PRPF38B: variants seen among roughly 807,000 people sequenced by gnomAD.
PRPF38B encodes the protein pre-mRNA processing factor 38B, also known as pre-mRNA-splicing factor 38B.
Under a neutral mutation model 67.2 loss-of-function variants are expected in PRPF38B, and 18 were observed. That is an observed-to-expected ratio of 0.27 (90% CI 0.19 to 0.40). PRPF38B has a LOEUF of 0.40. Ranked by LOEUF, PRPF38B falls within the 10% of genes least tolerant of loss-of-function variation. The pLI is 1.00. For missense variants in PRPF38B, 544 were observed against 684.9 expected (o/e 0.79, Z 2.30); for synonymous variants, 246 against 234.2 (o/e 1.05, Z -0.46).
At position 108,699,709 on chromosome 1, in the gene PRPF38B, GCAGGGAAACGAAGTAGAAGTAGAAGCAA is replaced by G; in HGVS notation, c.1331_1358del (p.Ala444GlufsTer78). The stretch of plus-strand genomic sequence containing the variant: ...CAGAAGTAGGAGTCGAAGTAGAAAT[GCAGGGAAACGAAGTAGAAGTAGAAGCAA>G]AGAGAAATCAAGTAAACATAAAAAT... On this transcript the variant is annotated frameshift_variant, in exon 6 of 6. Coordinates refer to ENST00000370025, the MANE Select transcript of PRPF38B (RefSeq NM_018061.4). LOFTEE classifies it high-confidence loss of function. 2 of 1,611,332 alleles carry G rather than the reference GCAGGGAAACGAAGTAGAAGTAGAAGCAA, an allele frequency of 1.2e-6. No individual in the cohort carries two copies. Among genetic ancestry groups the G allele is most frequent in the Non-Finnish European group, 1.7e-6 (2 of 1,178,488 alleles).
rs969286543 is a variant in PRPF38B at position 108,702,098 on chromosome 1, C to T, written c.*2078C>T. Among the ~76,000 whole-genome samples the T allele has an allele frequency of 2.6e-5, 4 of 152,132 alleles. No homozygotes were observed. Among genetic ancestry groups the T allele is most frequent in the Admixed American group, 6.5e-5 (1 of 15,270 alleles). On this transcript the variant is annotated 3_prime_UTR_variant, in exon 6 of 6. Coordinates refer to ENST00000370025, the MANE Select transcript of PRPF38B (RefSeq NM_018061.4). Reference sequence around the variant, plus strand: ...TCACCTCGATTGACAGTTCGATGATCGTCACTACATTTGATTTCTTGTGGG... The same window carrying T: ...TCACCTCGATTGACAGTTCGATGATTGTCACTACATTTGATTTCTTGTGGG...
chr1:108,692,852 C>G lies in PRPF38B; in HGVS notation c.261C>G (p.Asp87Glu). The G allele has an allele frequency of 6.2e-7, 1 of 1,614,008 alleles. No homozygotes were observed. The highest frequency in any genetic ancestry group is 8.5e-7 in the Non-Finnish European group (1 of 1,179,932). The change falls in exon 1 of 6, where the codon GAC becomes GAG. Residue 87 changes from aspartate (D) to glutamate (E), a missense_variant. This residue lies in a region of PRPF38B where 26 missense variants were observed against 67.7 expected (regional missense o/e 0.38). Coordinates refer to ENST00000370025, the MANE Select transcript of PRPF38B (RefSeq NM_018061.4). ...TCAAGACCTACCACGAGGTGGTGGA[C>G]GAGATCTACTTTAAGGTACGAAGTG... ...YELKTYHEVV[D>E]EIYFKVTHVE...
chr1:108,694,647 C>T (rs1659678737), intron 1 of PRPF38B, among the ~76,000 whole-genome samples: 1 of 152,114 alleles, frequency 6.6e-6, no homozygotes, highest in Non-Finnish European at 1.5e-5. Context: ...AGTGCTTAAA[C>T]TTACATGCAC....
Position 108,700,340 on chromosome 1 carries a change from A to G in PRPF38B, c.*320A>G. ...TGGTTGCCATGTTGGTTAAATTTGT[A>G]TAAGGCAATAAACTGCCACTAATCT... On this transcript the variant is annotated 3_prime_UTR_variant, in exon 6 of 6. Transcript: ENST00000370025. 4.5e-6 allele frequency: 1 copy of G among 220,430 alleles called. No individual in the cohort carries two copies. Among genetic ancestry groups the G allele is most frequent in the East Asian group, 1.0e-4 (1 of 9,706 alleles). 13.7% of individuals were successfully genotyped at this position (220,430 alleles called of 1,614,324 possible). A position where few individuals can be genotyped will look rare whatever the true frequency, so the allele number is the denominator to read the frequency against.
In PRPF38B at chr1:108,699,950, G is replaced by C; in HGVS notation, c.1571G>C (p.Arg524Pro). Residue 524 changes from arginine (R) to proline (P), a missense_variant, in exon 6 of 6, where the codon CGT becomes CCT. Coordinates refer to ENST00000370025, the MANE Select transcript of PRPF38B (RefSeq NM_018061.4). ...AAGGACCAGTCAGACAAACATGATCGTCGAAGGAGCCAAAGTATAGAACAA... is the reference window on the plus strand; with the variant it reads ...AAGGACCAGTCAGACAAACATGATCCTCGAAGGAGCCAAAGTATAGAACAA... The part of the protein sequence containing the change: ...DSKDQSDKHD[R>P]RRSQSIEQES... The C allele has an allele frequency of 6.2e-7, 1 of 1,613,326 alleles. No homozygotes were observed.
At position 108,692,876 on chromosome 1, in the gene PRPF38B, T is replaced by G. The variant is rs758942219; in HGVS notation, c.276+9T>G. 1 of 1,607,532 alleles carries G rather than the reference T, an allele frequency of 6.2e-7. No individual in the cohort carries two copies. Among genetic ancestry groups the G allele is most frequent in the Non-Finnish European group, 8.5e-7 (1 of 1,175,626 alleles). ...ACGAGATCTACTTTAAGGTACGAAG[T>G]GTGTAGGCCTTGGCTTTGGGGGTAA... On this transcript the variant is annotated intron_variant, in intron 1 of 5. Coordinates refer to ENST00000370025, the MANE Select transcript of PRPF38B (RefSeq NM_018061.4).
At position 108,692,860 on chromosome 1, in the gene PRPF38B, A is replaced by G. The variant is rs753942221; in HGVS notation, c.269A>G (p.Tyr90Cys). Residue 90 changes from tyrosine to cysteine, a missense_variant, in exon 1 of 6, where the codon TAC (tyrosine) becomes TGC (cysteine). This residue lies in a region of PRPF38B where 26 missense variants were observed against 67.7 expected (regional missense o/e 0.38). Coordinates refer to ENST00000370025, the MANE Select transcript of PRPF38B (RefSeq NM_018061.4). The part of the protein sequence containing the change: ...KTYHEVVDEI[Y>C]FKVTHVEPWE... Reference sequence around the variant, plus strand: ...TACCACGAGGTGGTGGACGAGATCTACTTTAAGGTACGAAGTGTGTAGGCC... The same window carrying G: ...TACCACGAGGTGGTGGACGAGATCTGCTTTAAGGTACGAAGTGTGTAGGCC... 6.2e-7 allele frequency: 1 copy of G among 1,613,960 alleles called. No individual in the cohort carries two copies. Among genetic ancestry groups the G allele is most frequent in the South Asian group, 1.1e-5 (1 of 91,076 alleles).
At chr1:108,696,520 T>C (rs1399377658) in intron 4 of PRPF38B, 183 bp downstream of exon 4, 5 of 621,334 alleles carry the variant, frequency 8.0e-6, no homozygotes, top group Middle Eastern at 4.3e-4. Flanking sequence ...TTAGGGTAAA[T>C]TTCTGAAGTT....
chr1:108,692,341 A>G lies in PRPF38B; in HGVS notation c.-251A>G, dbSNP rs1659368799. 1.8e-6 allele frequency: 1 copy of G among 547,066 alleles called. No homozygotes were observed. Among genetic ancestry groups the G allele is most frequent in the African/African-American group, 1.9e-5 (1 of 51,956 alleles). 33.9% of individuals were successfully genotyped at this position (547,066 alleles called of 1,614,324 possible). The stretch of plus-strand genomic sequence containing the variant: ...TTCCCAGGGGCAGTTGGCGGAAGAG[A>G]TCGAGCTCCCTGGCTGCCGGCTCGC... On this transcript the variant is annotated 5_prime_UTR_variant, in exon 1 of 6. Transcript: ENST00000370025.
chr1:108,697,836 TACTGTATATCTGAAC>T (rs1392669933), intron 4 of PRPF38B: 3 of 152,232 alleles, frequency 2.0e-5, no homozygotes, highest in Non-Finnish European at 4.4e-5. Flanking sequence ...TATTTGGAAA[TACTGTATATCTGAAC>T]ACTTAAATGT....
At chr1:108,699,021 TA>T (rs1660162878) in intron 5 of PRPF38B, 140 bp from the exon 6 acceptor site, 1 of 1,467,322 alleles carries the variant, frequency 6.8e-7, no homozygotes, top group Non-Finnish European at 9.1e-7. Flanking sequence ...ATGAGAACAA[TA>T]AAATTTTTTG....
chr1:108,693,754 TTAGG>T, intron 1 of PRPF38B: 1 of 467,648 alleles, frequency 2.1e-6, no homozygotes, highest in Non-Finnish European at 2.8e-6. Flanking sequence ...CCTTCACCAA[TTAGG>T]TAGGCTTTTT....
At position 108,696,203 on chromosome 1, in the gene PRPF38B, A is replaced by G. The variant is rs61150899; in HGVS notation, c.497+9A>G. The G allele has an allele frequency of 9.8e-3, 15,769 of 1,611,830 alleles. 1,336 individuals carry two copies. The African/African-American group carries it at 0.18, about 19-fold the overall frequency. The stretch of plus-strand genomic sequence containing the variant: ...GGATTTATGTATATAAGGTGAGCGT[A>G]CATTTATGTACATTTCCAGTAAATA... On this transcript the variant is annotated intron_variant, in intron 3 of 5. Coordinates refer to ENST00000370025, the MANE Select transcript of PRPF38B (RefSeq NM_018061.4).
Position 108,699,531 on chromosome 1 carries a change from A to G in PRPF38B, c.1152A>G (p.Arg384=). ...ATGAACGAGAAAAAGAGAGAGAGCG[A>G]TCAAGAGAAAGGTCCAAGGAACAGA... ...RGNEREKERE[R]SRERSKEQRS... is the part of the protein sequence containing the mutation. The change falls in exon 6 of 6, where the codon CGA becomes CGG. Residue 384 remains arginine, a synonymous_variant. Coordinates refer to ENST00000370025, the MANE Select transcript of PRPF38B (RefSeq NM_018061.4). 6.4e-7 allele frequency: 1 copy of G among 1,558,148 alleles called. No homozygotes were observed. Among genetic ancestry groups the G allele is most frequent in the Middle Eastern group, 1.7e-4 (1 of 5,998 alleles).
At chr1:108,695,819 A>T (rs775814607) in intron 2 of PRPF38B, 49 bp downstream of exon 2, 8 of 1,582,828 alleles carry the variant, frequency 5.1e-6, no homozygotes, top group Non-Finnish European at 6.9e-6. Context: ...CTAATAACTA[A>T]GTTTATATTT....
At position 108,702,638 on chromosome 1, in the gene PRPF38B, G is replaced by T. The variant is rs138297416; in HGVS notation, c.*2618G>T. Among the ~76,000 whole-genome samples, 195 of 152,170 alleles carry T rather than the reference G, an allele frequency of 1.3e-3. No homozygotes were observed. The highest frequency in any genetic ancestry group is 4.4e-3 in the African/African-American group (181 of 41,500). On this transcript the variant is annotated 3_prime_UTR_variant, in exon 6 of 6. Coordinates refer to ENST00000370025, the MANE Select transcript of PRPF38B (RefSeq NM_018061.4). Reference sequence around the variant, plus strand: ...AACATCACACGCCGGGGCCTGTTGTGGGGTGGGGGACTAGGGGAGGGATAA... The same window carrying T: ...AACATCACACGCCGGGGCCTGTTGTTGGGTGGGGGACTAGGGGAGGGATAA...
rs1570695126 is a variant in PRPF38B at position 108,699,221 on chromosome 1, A to G, written c.842A>G (p.His281Arg). 2 of 1,614,164 alleles carry G rather than the reference A, an allele frequency of 1.2e-6. No homozygotes were observed. The highest frequency in any genetic ancestry group is 2.2e-5 in the East Asian group (1 of 44,888). Reference protein sequence around the residue: ...RSPRRSRSRSHHREGHGSSSF... With the variant: ...RSPRRSRSRSRHREGHGSSSF... ...CCAAGAAGGTCAAGAAGTAGAAGTC[A>G]TCATCGGGAGGGCCATGGGTCTTCT... Residue 281 changes from histidine to arginine, a missense_variant, in exon 6 of 6, where the codon CAT becomes CGT. His to Arg is a conservative substitution (Grantham distance 29, BLOSUM62 0). Transcript: ENST00000370025.
chr1:108,695,949 A>G (rs1570681707), intron 2 of PRPF38B, 94 bp from the exon 3 acceptor site: 3 of 1,416,890 alleles, frequency 2.1e-6, no homozygotes, highest in Non-Finnish European at 2.9e-6. Flanking sequence ...GTTCTGGATT[A>G]TGGATTGTTA....
Position 108,700,078 on chromosome 1 carries a change from TC to T in PRPF38B, c.*63del. On this transcript the variant is annotated 3_prime_UTR_variant, in exon 6 of 6. Transcript: ENST00000370025. ...CTATAAATGATTAAATCTGCTTTTT[TC>T]CCCCACGTTGAGATTGTGCAGTAGT... The T allele has an allele frequency of 2.6e-6, 4 of 1,521,504 alleles. No individual in the cohort carries two copies. Among genetic ancestry groups the T allele is most frequent in the Non-Finnish European group, 3.5e-6 (4 of 1,141,008 alleles). The allele number at this position is 1,521,504 out of a possible 1,614,324, so 94.3% of individuals were successfully genotyped here.
Sources: gnomAD v4.1 joint callset for allele counts (sites outside exome capture counted in the v4.1 genomes callset) on GRCh38, gnomAD v4.1.1 for gene constraint, gnomAD v4.1.1 regional missense constraint, MANE v1.5 for transcripts, NCBI Gene and HGNC (gene_info 2026-07-23, HGNC 2026-07-21) for gene names.